PHLPP1: variants seen among roughly 807,000 people sequenced by gnomAD.
The protein encoded by PHLPP1 is PH domain leucine-rich repeat-containing protein phosphatase 1.
Under a neutral mutation model 117.2 loss-of-function variants are expected in PHLPP1, and 42 were observed. The observed-to-expected ratio is 0.36, with a 90% CI of 0.28 to 0.46. The LOEUF is 0.46. Among genes scored for constraint, PHLPP1 ranks in the 20% least tolerant of loss-of-function variants. The pLI, the probability that PHLPP1 is intolerant of heterozygous loss-of-function variation, is 1.00. For missense variants in PHLPP1, 2,084 were observed against 2,241.9 expected, an observed-to-expected ratio of 0.93 and a Z score of 1.42; for synonymous variants, 1,042 against 970.7, an observed-to-expected ratio of 1.07 and a Z score of -1.37.
chr18:62,724,571 G>A (rs983389283), intron 1 of PHLPP1, among the ~76,000 whole-genome samples: 19 of 152,148 alleles, frequency 1.2e-4, no homozygotes, highest in African/African-American at 4.3e-4. Flanking sequence ...CCACCACCTA[G>A]GATTTTGATG....
intron 1 of PHLPP1, among the ~76,000 whole-genome samples, chr18:62,822,271 T>TTTTGTTTTG (rs1568128012): frequency 1.4e-5 from 2 of 144,466 alleles, no homozygotes. Flanking sequence ...TAGTGTTTTT[T>TTTTGTTTTG]TTTTTTTTGT....
chr18:62,913,680 T>TAAGTAATG (rs1439171600), intron 8 of PHLPP1, among the ~76,000 whole-genome samples: 2 of 150,908 alleles, frequency 1.3e-5, no homozygotes, highest in Non-Finnish European at 3.0e-5. Context: ...GTAGTTTATC[T>TAAGTAATG]AAGTAATGAT....
At chr18:62,788,585 A>G (rs960721229) in intron 1 of PHLPP1, among the ~76,000 whole-genome samples, 3 of 152,028 alleles carry the variant, frequency 2.0e-5, no homozygotes, top group African/African-American at 7.2e-5. Flanking sequence ...GTTTTTGTCA[A>G]AGAGCTGTTC....
chr18:62,963,224 AAGTATTT>A, intron 13 of PHLPP1, 137 bp from the exon 14 acceptor site: 1 of 558,168 alleles, frequency 1.8e-6, no homozygotes, highest in South Asian at 2.3e-5. Context: ...TGTTGCTGAT[AAGTATTT>A]CAGACACATT....
chr18:62,732,303 A>G (rs376251344), intron 1 of PHLPP1, among the ~76,000 whole-genome samples: 4 of 152,272 alleles, frequency 2.6e-5, no homozygotes, highest in Middle Eastern at 3.4e-3. Context: ...CTCATTTACC[A>G]TTTTGGAAAT....
intron 1 of PHLPP1, 48 bp from the exon 2 acceptor site, chr18:62,829,987 A>G: frequency 1.4e-6 from 2 of 1,437,908 alleles, no homozygotes; most frequent in Non-Finnish European, 1.9e-6. Flanking sequence ...ATGAGTAGGA[A>G]AAGGGTCCAT....
rs1384376083 is a variant in PHLPP1, at chr18:62,716,137, C to T, written c.454C>T (p.Pro152Ser). The T allele has an allele frequency of 4.0e-6, 6 of 1,518,244 alleles. No homozygotes were observed. In the African/African-American group the frequency reaches 5.7e-5, roughly 14 times the overall value. 94.0% of individuals were successfully genotyped at this position (1,518,244 alleles called of 1,614,324 possible). The change falls in exon 1 of 17, where the codon CCC (proline) becomes TCC (serine). Residue 152 changes from proline to serine, a missense_variant. Pro to Ser is a moderately conservative substitution (Grantham distance 74, BLOSUM62 -1). This residue lies in a region of PHLPP1 where 719 missense variants were observed against 636.0 expected (regional missense o/e 1.13). Transcript: ENST00000262719. This position sits in a 1 kb window ranked among gnomAD's most constrained non-coding sequence, Gnocchi z 5.7. ...CTCGGCCGCTGCTGCCTCGCACTCC[C>T]CCGGCGCTGCCGGCCTCCCCGCCTC... ...SSSAAAASHS[P>S]GAAGLPASCS...
At chr18:62,935,794 A>G (rs1909951202) in intron 10 of PHLPP1, among the ~76,000 whole-genome samples, 1 of 152,148 alleles carries the variant, frequency 6.6e-6, no homozygotes, top group Non-Finnish European at 1.5e-5. Context: ...ACCTGAGGTC[A>G]GGAGTTCGAG....
chr18:62,757,006 A>AT (rs947253845), intron 1 of PHLPP1, among the ~76,000 whole-genome samples: 4 of 152,198 alleles, frequency 2.6e-5, no homozygotes, highest in Admixed American at 2.0e-4. Flanking sequence ...GGAGATGCTA[A>AT]TTTTTGATGA....
At chr18:62,828,289 T>C (rs1314294226) in intron 1 of PHLPP1, among the ~76,000 whole-genome samples, 3 of 152,208 alleles carry the variant, frequency 2.0e-5, no homozygotes, top group African/African-American at 7.2e-5. Context: ...GAATGGGACA[T>C]GTGAATCACT....
intron 10 of PHLPP1, among the ~76,000 whole-genome samples, chr18:62,925,019 G>A (rs1909582883): frequency 6.6e-6 from 1 of 151,416 alleles, no homozygotes; most frequent in Non-Finnish European, 1.5e-5. Flanking sequence ...CTAGATCATG[G>A]GCCTAGATTT....
At chr18:62,943,769 A>G (rs1053248622) in intron 11 of PHLPP1, among the ~76,000 whole-genome samples, 4 of 152,220 alleles carry the variant, frequency 2.6e-5, no homozygotes, top group African/African-American at 9.6e-5. Context: ...ACGTTTCAAC[A>G]TGAGATTTGG....
intron 12 of PHLPP1, among the ~76,000 whole-genome samples, chr18:62,950,418 A>G (rs1322121302): frequency 6.6e-6 from 1 of 152,214 alleles, no homozygotes; most frequent in Admixed American, 6.5e-5. Flanking sequence ...CCACAATCCC[A>G]TAGTCACCAT....
At chr18:62,750,494 C>T (rs920951378) in intron 1 of PHLPP1, among the ~76,000 whole-genome samples, 1 of 152,120 alleles carries the variant, frequency 6.6e-6, no homozygotes, top group Admixed American at 6.5e-5. Context: ...AAAGAAAAAG[C>T]CTTTACAGTC....
intron 9 of PHLPP1, among the ~76,000 whole-genome samples, chr18:62,918,581 G>A (rs1229213223): frequency 6.6e-6 from 1 of 152,058 alleles, no homozygotes; most frequent in Non-Finnish European, 1.5e-5. Flanking sequence ...CCAACTCAGG[G>A]ATCTTTAATT....
At chr18:62,755,991 C>CG (rs2144241293) in intron 1 of PHLPP1, among the ~76,000 whole-genome samples, 1 of 149,674 alleles carries the variant, frequency 6.7e-6, no homozygotes, top group African/African-American at 2.5e-5. Context: ...TTCCCCCCCC[C>CG]CTTCAATTTG....
At chr18:62,721,030 C>G (rs1424090555) in intron 1 of PHLPP1, among the ~76,000 whole-genome samples, 2 of 152,116 alleles carry the variant, frequency 1.3e-5, no homozygotes, top group African/African-American at 4.8e-5. Context: ...GTATCACTTT[C>G]CATGAATCGA....
chr18:62,729,568 G>A (rs756893852), intron 1 of PHLPP1, among the ~76,000 whole-genome samples: 55 of 152,038 alleles, frequency 3.6e-4, no homozygotes, highest in Non-Finnish European at 6.0e-4. Flanking sequence ...CCAGCTACTC[G>A]GGAGGCCGAG....
chr18:62,772,915 C>A (rs1244273), intron 1 of PHLPP1, among the ~76,000 whole-genome samples: 6,393 of 150,910 alleles, frequency 0.042, 204 homozygotes, highest in Non-Finnish European at 0.066. Flanking sequence ...AAATACAATC[C>A]TTATATATAG....
Sources: gnomAD v4.1 joint callset for allele counts (sites outside exome capture counted in the v4.1 genomes callset) on GRCh38, gnomAD v4.1.1 for gene constraint, gnomAD v4.1.1 regional missense constraint, Gnocchi (gnomAD v3.1) non-coding constraint, MANE v1.5 for transcripts, NCBI Gene and HGNC (gene_info 2026-07-23, HGNC 2026-07-21) for gene names.